RBFOX1: variants seen among roughly 807,000 people sequenced by gnomAD.
The protein encoded by RBFOX1 is RNA binding protein fox-1 homolog 1.
RBFOX1 carries 8 observed loss-of-function variants against 57.7 expected under a neutral mutation model. That is an observed-to-expected ratio of 0.14 (90% CI 0.08 to 0.25). The LOEUF (loss-of-function observed/expected upper bound fraction) is 0.25, where lower values mean the gene tolerates loss of function less well. Among genes scored for constraint, RBFOX1 ranks in the 10% least tolerant of loss-of-function variants. The probability of loss-of-function intolerance (pLI) is 1.00; values close to 1 mark genes in which losing one functional copy is unlikely to be tolerated. For missense variants in RBFOX1, 611 were observed against 548.5 expected, an observed-to-expected ratio of 1.11 and a Z score of -1.14; for synonymous variants, 326 against 222.4, an observed-to-expected ratio of 1.47 and a Z score of -4.15.
chr16:5,750,573 C>G (rs1371780745), intron 3 of RBFOX1, among the ~76,000 whole-genome samples: 1 of 152,220 alleles, frequency 6.6e-6, no homozygotes. Context: ...ATGGCAGGCG[C>G]CCCTCCCCCA....
chr16:5,955,054 G>A (rs61565506), intron 4 of RBFOX1, among the ~76,000 whole-genome samples: 1 of 123,576 alleles, frequency 8.1e-6, no homozygotes, highest in Non-Finnish European at 1.8e-5. Flanking sequence ...GCCGAAGCGG[G>A]TGGATCACTT....
At chr16:5,521,487 C>G (rs2044012779) in intron 2 of RBFOX1, among the ~76,000 whole-genome samples, 1 of 150,462 alleles carries the variant, frequency 6.6e-6, no homozygotes, top group Non-Finnish European at 1.5e-5. Flanking sequence ...TTCCCAGTGT[C>G]TCATTGACCC....
chr16:6,523,830 GA>G lies in RBFOX1; in HGVS notation c.-63-130766del, dbSNP rs557500345. 3.3e-5 allele frequency among the ~76,000 whole-genome samples: 5 copies of G among 152,008 alleles called. 1 individual carries two copies. In the South Asian group the frequency reaches 8.3e-4, roughly 25 times the overall value. ...TGAAGGTACAGGTAAGATTTTCTTT[GA>G]AAAAAATGTGCCTTGCTACCACAGT... On this transcript the variant is annotated intron_variant, in intron 2 of 15. Transcript: ENST00000550418.
chr16:7,296,350 GTA>G (rs1366768799), intron 4 of RBFOX1, among the ~76,000 whole-genome samples: 4 of 149,304 alleles, frequency 2.7e-5, no homozygotes, highest in Non-Finnish European at 5.9e-5. Context: ...GTTTATGTGT[GTA>G]TGTATGAATG....
In RBFOX1 at chr16:5,628,954, T is replaced by C. The variant is rs146496617; in HGVS notation, c.318+29993T>C. On this transcript the variant is annotated intron_variant, in intron 3 of 19. Transcript: ENST00000641259. ...GTAGCTTTGTGTGGATAGCAAGTTA[T>C]GGCTGATGCCAAATGTCAACAGAGT... is the stretch of plus-strand genomic sequence containing the variant. 1.6e-4 allele frequency among the ~76,000 whole-genome samples: 25 copies of C among 152,336 alleles called. No homozygotes were observed. The East Asian group carries it at 4.4e-3, about 27-fold the overall frequency.
intron 4 of RBFOX1, among the ~76,000 whole-genome samples, chr16:7,083,737 G>A (rs955702716): frequency 6.6e-6 from 1 of 152,088 alleles, no homozygotes; most frequent in Non-Finnish European, 1.5e-5. Flanking sequence ...AGATGGGCAA[G>A]AGCCTGGGAG....
chr16:6,877,544 G>A (rs994717986), intron 3 of RBFOX1, among the ~76,000 whole-genome samples: 5 of 152,084 alleles, frequency 3.3e-5, no homozygotes, highest in African/African-American at 9.7e-5. Context: ...CTTGGAATTC[G>A]GAACAACTTC....
chr16:5,540,692 A>G (rs1313078519), intron 2 of RBFOX1, among the ~76,000 whole-genome samples: 2 of 152,124 alleles, frequency 1.3e-5, no homozygotes, highest in Non-Finnish European at 2.9e-5. Flanking sequence ...TCTGGCACTG[A>G]CATCACGGAC....
At chr16:5,524,075 G>A (rs1339636078) in intron 2 of RBFOX1, among the ~76,000 whole-genome samples, 1 of 152,218 alleles carries the variant, frequency 6.6e-6, no homozygotes, top group Non-Finnish European at 1.5e-5. Context: ...GTTTGTGGTT[G>A]AGAAAGTGTC....
chr16:6,977,707 A>T (rs1368177010), intron 3 of RBFOX1, among the ~76,000 whole-genome samples: 1 of 152,150 alleles, frequency 6.6e-6, no homozygotes, highest in African/African-American at 2.4e-5. Context: ...ATTGATTGAA[A>T]TGAATTGAAA....
At chr16:7,098,664 G>T (rs1431048801) in intron 4 of RBFOX1, among the ~76,000 whole-genome samples, 2 of 152,078 alleles carry the variant, frequency 1.3e-5, no homozygotes, top group Middle Eastern at 3.2e-3. Flanking sequence ...AAATAGTGAT[G>T]ATCTTGGCTG....
At chr16:6,475,683 A>C (rs2153086591) in intron 2 of RBFOX1, among the ~76,000 whole-genome samples, 1 of 152,352 alleles carries the variant, frequency 6.6e-6, no homozygotes, top group African/African-American at 2.4e-5. Context: ...GAAAATCAGT[A>C]GGTCCTAGTG....
chr16:5,913,785 T>A (rs1214881610), intron 4 of RBFOX1, among the ~76,000 whole-genome samples: 1 of 152,204 alleles, frequency 6.6e-6, no homozygotes, highest in Non-Finnish European at 1.5e-5. Context: ...ATTCTGGCCT[T>A]TGTTAAAGGT....
chr16:5,332,566 G>T (rs977927873), intron 1 of RBFOX1, among the ~76,000 whole-genome samples: 4 of 151,670 alleles, frequency 2.6e-5, no homozygotes, highest in Non-Finnish European at 5.9e-5. Context: ...ACTCGGCCAA[G>T]GGGACTTTTA....
intron 1 of RBFOX1, among the ~76,000 whole-genome samples, chr16:6,277,696 T>C (rs970868682): frequency 1.3e-5 from 2 of 150,358 alleles, no homozygotes; most frequent in Non-Finnish European, 3.0e-5. Flanking sequence ...ATGTCCATTT[T>C]CCAAATCCGT....
chr16:5,379,282 T>G (rs533593757), intron 1 of RBFOX1, among the ~76,000 whole-genome samples: 1 of 151,618 alleles, frequency 6.6e-6, no homozygotes, highest in South Asian at 2.1e-4. Flanking sequence ...TTTTAAAATA[T>G]GAAAGCAGTT....
intron 3 of RBFOX1, among the ~76,000 whole-genome samples, chr16:6,947,878 G>A (rs1045687245): frequency 6.6e-6 from 1 of 152,130 alleles, no homozygotes; most frequent in Non-Finnish European, 1.5e-5. Flanking sequence ...ATGGGTTCAA[G>A]CGTTTCTCCT....
chr16:6,955,426 T>A (rs1478206945), intron 3 of RBFOX1, among the ~76,000 whole-genome samples: 1 of 152,020 alleles, frequency 6.6e-6, no homozygotes, highest in Non-Finnish European at 1.5e-5. Flanking sequence ...TGATTAATTT[T>A]ATGAGAACGT....
chr16:6,192,948 T>C (rs1359486249), intron 1 of RBFOX1, among the ~76,000 whole-genome samples: 3 of 152,184 alleles, frequency 2.0e-5, no homozygotes, highest in African/African-American at 7.2e-5. Flanking sequence ...TTCAATTAAA[T>C]GTCCCAACTC....
Sources: allele counts gnomAD v4.1 joint callset (sites outside exome capture counted in the v4.1 genomes callset), GRCh38; gene constraint gnomAD v4.1.1; transcripts MANE v1.5; gene names NCBI Gene and HGNC (gene_info 2026-07-23, HGNC 2026-07-21).